The following FOXP1 variants were observed in gnomAD, a reference collection of about 807,000 sequenced individuals.
FOXP1 encodes forkhead box P1, also known as forkhead box protein P1.
A neutral mutation model predicts 98.2 loss-of-function variants in FOXP1; 15 were observed. The observed-to-expected ratio is 0.15, with a 90% CI of 0.10 to 0.24. The LOEUF is 0.24. FOXP1 is among the 10% of genes least tolerant of loss of function. FOXP1 has a pLI of 1.00. For missense variants in FOXP1, 633 were observed against 848.5 expected (o/e 0.75, Z 3.15); for synonymous variants, 371 against 314.5 (o/e 1.18, Z -1.90).
At chr3:71,047,203 G>T in intron 9 of FOXP1, 108 bp from the exon 10 acceptor site, 1 of 1,235,892 alleles carries the variant, frequency 8.1e-7, no homozygotes, top group South Asian at 1.2e-5. Flanking sequence ...AATGGTCACT[G>T]GAGCTCAGTG....
chr3:71,125,291 G>A lies in FOXP1; in HGVS notation c.181-12654C>T, dbSNP rs78970445. ...TATGTAATGTGGTCAAGGTCACGCAGCCTGGATAGAATCCCTTCACTGTAT... is the reference window on the plus strand; with the variant it reads ...TATGTAATGTGGTCAAGGTCACGCAACCTGGATAGAATCCCTTCACTGTAT... On this transcript the variant is annotated intron_variant, in intron 6 of 20. Coordinates refer to ENST00000649528, the MANE Select transcript of FOXP1 (RefSeq NM_001349338.3). 2.8e-3 allele frequency among the ~76,000 whole-genome samples: 432 copies of A among 152,248 alleles called. 1 individual carries two copies. Among genetic ancestry groups the A allele is most frequent in the African/African-American group, 9.7e-3 (401 of 41,548 alleles).
intron 5 of FOXP1, among the ~76,000 whole-genome samples, chr3:71,224,976 A>C (rs567949601): frequency 6.6e-6 from 1 of 152,344 alleles, no homozygotes; most frequent in East Asian, 1.9e-4. Context: ...TAAGTGGATG[A>C]ATGAATGATA....
intron 13 of FOXP1, among the ~76,000 whole-genome samples, chr3:70,991,487 T>C (rs564126893): frequency 1.3e-5 from 2 of 152,182 alleles, no homozygotes; most frequent in African/African-American, 4.8e-5. Flanking sequence ...CTTAAACTCA[T>C]TATTTTAACA....
intron 3 of FOXP1, among the ~76,000 whole-genome samples, chr3:71,416,338 C>T (rs1192942701): frequency 6.6e-6 from 1 of 151,836 alleles, no homozygotes; most frequent in African/African-American, 2.4e-5. Flanking sequence ...GAGTTCGAGA[C>T]CAACCTGGGA....
intron 4 of FOXP1, among the ~76,000 whole-genome samples, chr3:71,338,922 A>C (rs1231590464): frequency 6.6e-6 from 1 of 152,224 alleles, no homozygotes; most frequent in East Asian, 1.9e-4. Context: ...CTTTGAGTCA[A>C]GATAAAAGAT....
At chr3:71,019,012 G>A (rs1349232383) in intron 11 of FOXP1, among the ~76,000 whole-genome samples, 1 of 152,142 alleles carries the variant, frequency 6.6e-6, no homozygotes, top group East Asian at 1.9e-4. Context: ...GCTGGGACTC[G>A]CTTCTAGCTT....
At chr3:71,513,816 G>A (rs768902010) in intron 2 of FOXP1, among the ~76,000 whole-genome samples, 5 of 152,126 alleles carry the variant, frequency 3.3e-5, no homozygotes, top group Non-Finnish European at 5.9e-5. Flanking sequence ...CCATAAGACC[G>A]GGTTTACCTA....
intron 5 of FOXP1, among the ~76,000 whole-genome samples, chr3:71,234,506 C>A (rs2066610774): frequency 6.6e-6 from 1 of 152,190 alleles, no homozygotes; most frequent in African/African-American, 2.4e-5. Flanking sequence ...ACAAGTTGCA[C>A]CGCCTACAGA....
intron 20 of FOXP1, among the ~76,000 whole-genome samples, chr3:70,965,096 G>C (rs2034458315): frequency 6.6e-6 from 1 of 152,232 alleles, no homozygotes; most frequent in East Asian, 1.9e-4. Context: ...AAAAGGGAGA[G>C]ACTGTCATCC....
At chr3:71,178,220 C>G (rs1326489398) in intron 6 of FOXP1, among the ~76,000 whole-genome samples, 1 of 151,182 alleles carries the variant, frequency 6.6e-6, no homozygotes, top group Non-Finnish European at 1.5e-5. Flanking sequence ...CTGCAACCTC[C>G]GCCTCCCGGG....
rs185317530 is a variant in FOXP1, at chr3:71,325,301, C to T, written c.-72-25421G>A. ...CTCCTGGCCTCAGGTGATTTGCCCG[C>T]CTCAGCCTCCCAAAGTGCTGGGATT... On this transcript the variant is annotated intron_variant, in intron 4 of 20. Coordinates refer to ENST00000649528, the MANE Select transcript of FOXP1 (RefSeq NM_001349338.3). Among the ~76,000 whole-genome samples, 33 of 152,282 alleles carry T rather than the reference C, an allele frequency of 2.2e-4. No homozygotes were observed. In the East Asian group the frequency reaches 4.2e-3, roughly 20 times the overall value.
intron 3 of FOXP1, among the ~76,000 whole-genome samples, chr3:71,361,440 G>A (rs1205888822): frequency 1.3e-5 from 2 of 152,090 alleles, no homozygotes; most frequent in African/African-American, 4.8e-5. Context: ...CAATGCAATT[G>A]GAAAACTTTT....
intron 12 of FOXP1, 92 bp downstream of exon 12, chr3:71,015,457 C>A: frequency 1.3e-6 from 1 of 796,500 alleles, no homozygotes; most frequent in South Asian, 1.4e-5. Context: ...TGAGGTGAAA[C>A]TCTCCATCAA....
At chr3:71,174,241 AG>A (rs1011809162) in intron 6 of FOXP1, among the ~76,000 whole-genome samples, 2 of 152,156 alleles carry the variant, frequency 1.3e-5, no homozygotes, top group African/African-American at 2.4e-5. Context: ...ATTACTGTGG[AG>A]GGGGGAAAAA....
intron 4 of FOXP1, among the ~76,000 whole-genome samples, chr3:71,300,149 C>T (rs1381674673): frequency 6.6e-6 from 1 of 152,162 alleles, no homozygotes; most frequent in Non-Finnish European, 1.5e-5. Context: ...ATCTTGTTGT[C>T]TATCGATTTA....
At chr3:71,544,165 T>C (rs2045158041) in intron 2 of FOXP1, among the ~76,000 whole-genome samples, 1 of 151,814 alleles carries the variant, frequency 6.6e-6, no homozygotes, top group Non-Finnish European at 1.5e-5. Context: ...GTAGCAGTAT[T>C]AAAAAGATAT....
intron 3 of FOXP1, among the ~76,000 whole-genome samples, chr3:71,381,547 G>A (rs1577222575): frequency 6.7e-6 from 1 of 148,914 alleles, no homozygotes; most frequent in East Asian, 2.0e-4. Flanking sequence ...GGGTTCAAGT[G>A]AGCCGCCTAC....
At chr3:71,250,297 C>G (rs1281396680) in intron 5 of FOXP1, among the ~76,000 whole-genome samples, 1 of 152,222 alleles carries the variant, frequency 6.6e-6, no homozygotes, top group Non-Finnish European at 1.5e-5. Flanking sequence ...AGCATCACTG[C>G]CCAACAGAAC....
chr3:71,324,991 G>T (rs1400730617), intron 4 of FOXP1, among the ~76,000 whole-genome samples: 2 of 151,890 alleles, frequency 1.3e-5, no homozygotes, highest in Non-Finnish European at 2.9e-5. Context: ...TGTGGACCCA[G>T]CGCTGCTCTA....
Sources: allele counts gnomAD v4.1 joint callset (sites outside exome capture counted in the v4.1 genomes callset), GRCh38; gene constraint gnomAD v4.1.1; transcripts MANE v1.5; gene names NCBI Gene and HGNC (gene_info 2026-07-23, HGNC 2026-07-21).